The following VPS26A variants were observed in gnomAD, a reference collection of about 807,000 sequenced individuals.
VPS26A encodes VPS26 retromer complex component A.
Under a neutral mutation model 42.4 loss-of-function variants are expected in VPS26A, and 22 were observed. The observed-to-expected ratio is 0.52, with a 90% CI of 0.37 to 0.74. VPS26A has a LOEUF of 0.74. Ranked by LOEUF, VPS26A falls within the 30% of genes least tolerant of loss-of-function variation. The probability of loss-of-function intolerance (pLI) is 0.00; values close to 1 mark genes in which losing one functional copy is unlikely to be tolerated. For missense variants in VPS26A, 276 were observed against 379.2 expected, an observed-to-expected ratio of 0.73 and a Z score of 2.26; for synonymous variants, 110 against 123.5, an observed-to-expected ratio of 0.89 and a Z score of 0.73.
Position 69,157,265 on chromosome 10 carries a change from G to T in VPS26A, c.386+102G>T, listed in dbSNP as rs994706750. Reference sequence around the variant, plus strand: ...CTCTAATTATAATTCTGTATTGGAAGATTTAAGATTTTTAAAAATTCTGTC... The same window carrying T: ...CTCTAATTATAATTCTGTATTGGAATATTTAAGATTTTTAAAAATTCTGTC... On this transcript the variant is annotated intron_variant, in intron 4 of 8. Coordinates refer to ENST00000263559, the MANE Select transcript of VPS26A (RefSeq NM_004896.5). The T allele has an allele frequency of 3.0e-5, 42 of 1,405,906 alleles. No individual in the cohort carries two copies. The African/African-American group carries it at 3.9e-4, about 13-fold the overall frequency. The allele number at this position is 1,405,906 out of a possible 1,614,324, so 87.1% of individuals were successfully genotyped here. A position where few individuals can be genotyped will look rare whatever the true frequency, so the allele number is the denominator to read the frequency against.
intron 1 of VPS26A, among the ~76,000 whole-genome samples, chr10:69,130,368 CAA>C (rs1241498828): frequency 1.3e-5 from 2 of 152,130 alleles, no homozygotes; most frequent in African/African-American, 2.4e-5. Flanking sequence ...AACTGAAACT[CAA>C]AGGGTGAATT....
intron 4 of VPS26A, 41 bp from the exon 5 acceptor site, chr10:69,158,006 C>A: frequency 6.7e-7 from 1 of 1,500,720 alleles, no homozygotes; most frequent in Non-Finnish European, 8.9e-7. Flanking sequence ...GAAAATTTAT[C>A]ACAGGTGATT....
chr10:69,158,215 A>G lies in VPS26A; in HGVS notation c.551+4A>G. The G allele has an allele frequency of 1.3e-6, 2 of 1,575,074 alleles. No homozygotes were observed. The highest frequency in any genetic ancestry group is 8.6e-7 in the Non-Finnish European group (1 of 1,163,686). Reference sequence around the variant, plus strand: ...AATTTGAATATAATAAATCAAAGTAAGTATCATTCACAGATAAGTTGTTCA... The same window carrying G: ...AATTTGAATATAATAAATCAAAGTAGGTATCATTCACAGATAAGTTGTTCA... On this transcript the variant is annotated splice_donor_region_variant and intron_variant, in intron 5 of 8. Coordinates refer to ENST00000263559, the MANE Select transcript of VPS26A (RefSeq NM_004896.5).
chr10:69,161,727 C>T (rs1706916501), intron 5 of VPS26A: 4 of 392,236 alleles, frequency 1.0e-5, no homozygotes, highest in African/African-American at 2.1e-5. Flanking sequence ...ACTTAACATA[C>T]ATGGGCTCAT....
At position 69,146,642 on chromosome 10, in the gene VPS26A, A is replaced by G. The variant is rs60319027; in HGVS notation, c.154-9170A>G. 1.6e-3 allele frequency among the ~76,000 whole-genome samples: 240 copies of G among 152,202 alleles called. 1 individual carries two copies. Among genetic ancestry groups the G allele is most frequent in the African/African-American group, 5.4e-3 (226 of 41,540 alleles). On this transcript the variant is annotated intron_variant, in intron 2 of 8. Coordinates refer to ENST00000263559, the MANE Select transcript of VPS26A (RefSeq NM_004896.5). ...TTCTATGAATTTGCCTATTTTAGAT[A>G]TTTTGTATAAGTGGTCATATAATAT...
chr10:69,168,911 G>T (rs1841752770), intron 8 of VPS26A, among the ~76,000 whole-genome samples: 1 of 151,702 alleles, frequency 6.6e-6, no homozygotes, highest in African/African-American at 2.4e-5. Flanking sequence ...AATACCTGCT[G>T]CTTATTTAGA....
At chr10:69,164,225 T>C (rs925368864) in intron 6 of VPS26A, among the ~76,000 whole-genome samples, 1 of 148,420 alleles carries the variant, frequency 6.7e-6, no homozygotes, top group Non-Finnish European at 1.5e-5. Context: ...CCCTCCACCT[T>C]TTTTTTTTTT....
intron 3 of VPS26A, among the ~76,000 whole-genome samples, chr10:69,156,205 C>T (rs1841425703): frequency 1.3e-5 from 2 of 151,594 alleles, no homozygotes; most frequent in South Asian, 4.2e-4. Flanking sequence ...AGCAGCCTCA[C>T]CTTCATTCTT....
rs1435729564 is a variant in VPS26A, at chr10:69,158,030, C to G, written c.387-17C>G. ...TCACAGGTGATTTAACTCATCGACT[C>G]TCTTTTAACTTTGTAGGTATTTTCT... On this transcript the variant is annotated splice_polypyrimidine_tract_variant and intron_variant, in intron 4 of 8. Coordinates refer to ENST00000263559, the MANE Select transcript of VPS26A (RefSeq NM_004896.5). The G allele has an allele frequency of 4.4e-6, 7 of 1,577,240 alleles. No individual in the cohort carries two copies. Among genetic ancestry groups the G allele is most frequent in the Non-Finnish European group, 6.0e-6 (7 of 1,165,376 alleles).
chr10:69,170,623 A>G (rs1045875067), intron 8 of VPS26A, among the ~76,000 whole-genome samples: 4 of 152,180 alleles, frequency 2.6e-5, no homozygotes, highest in Admixed American at 2.6e-4. Flanking sequence ...ATGGGGGAAA[A>G]TGGTCAAGGG....
At chr10:69,129,015 AAAAAAG>A (rs1840718823) in intron 1 of VPS26A, among the ~76,000 whole-genome samples, 2 of 151,892 alleles carry the variant, frequency 1.3e-5, no homozygotes, top group East Asian at 3.9e-4. Flanking sequence ...AAAAAAAAAA[AAAAAAG>A]AATTAATTTT....
At chr10:69,145,818 G>A (rs993745752) in intron 2 of VPS26A, among the ~76,000 whole-genome samples, 5 of 151,516 alleles carry the variant, frequency 3.3e-5, no homozygotes, top group Non-Finnish European at 5.9e-5. Flanking sequence ...TATATTTGCA[G>A]AGTTGAGCCA....
At chr10:69,151,894 G>T (rs1209998244) in intron 2 of VPS26A, among the ~76,000 whole-genome samples, 1 of 151,950 alleles carries the variant, frequency 6.6e-6, no homozygotes, top group Non-Finnish European at 1.5e-5. Context: ...GAAATAGCTG[G>T]GATTATGCTT....
chr10:69,164,455 G>C (rs1341176154), intron 6 of VPS26A, among the ~76,000 whole-genome samples: 1 of 151,974 alleles, frequency 6.6e-6, no homozygotes, highest in Non-Finnish European at 1.5e-5. Flanking sequence ...TGGACTCAGC[G>C]ATCCTCCTGC....
Position 69,172,252 on chromosome 10 carries a change from C to T in VPS26A, c.*983C>T, listed in dbSNP as rs941772755. 2 of 152,058 alleles carry T rather than the reference C, an allele frequency of 1.3e-5. No individual in the cohort carries two copies. The highest frequency in any genetic ancestry group is 2.9e-5 in the Non-Finnish European group (2 of 68,008). The allele number at this position is 152,058 out of a possible 1,614,324, so 9.4% of individuals were successfully genotyped here. Reference sequence around the variant, plus strand: ...TGGGTAATTTCATGTTTATTAAACTCGAACTTTGGCTAGTTAAACTCATAT... The same window carrying T: ...TGGGTAATTTCATGTTTATTAAACTTGAACTTTGGCTAGTTAAACTCATAT... On this transcript the variant is annotated 3_prime_UTR_variant, in exon 9 of 9. Transcript: ENST00000263559.
At chr10:69,151,121 C>A (rs183448854) in intron 2 of VPS26A, among the ~76,000 whole-genome samples, 2 of 151,450 alleles carry the variant, frequency 1.3e-5, no homozygotes, top group African/African-American at 4.9e-5. Flanking sequence ...AAAAATTATC[C>A]GGGCATGGTG....
intron 2 of VPS26A, among the ~76,000 whole-genome samples, chr10:69,146,653 G>A (rs1841167326): frequency 1.3e-5 from 2 of 152,194 alleles, no homozygotes; most frequent in Admixed American, 1.3e-4. Context: ...TTTTGTATAA[G>A]TGGTCATATA....
At chr10:69,161,629 TC>T in intron 5 of VPS26A, 1 of 280,788 alleles carries the variant, frequency 3.6e-6, no homozygotes, top group Non-Finnish European at 7.3e-6. Context: ...TTACGGGGTT[TC>T]CCCCATCTGT....
intron 1 of VPS26A, among the ~76,000 whole-genome samples, chr10:69,128,737 G>A (rs1157667633): frequency 1.3e-5 from 2 of 152,104 alleles, no homozygotes; most frequent in South Asian, 2.1e-4. Flanking sequence ...GCTCACGCCT[G>A]TAATCCCAGC....
Sources: allele counts gnomAD v4.1 joint callset (sites outside exome capture counted in the v4.1 genomes callset), GRCh38; gene constraint gnomAD v4.1.1; transcripts MANE v1.5; gene names NCBI Gene and HGNC (gene_info 2026-07-23, HGNC 2026-07-21).